Variants in MED24 observed in about 807,000 individuals in gnomAD.
MED24 encodes mediator of RNA polymerase II transcription subunit 24.
In MED24, 74 loss-of-function variants were observed where a neutral mutation model predicts 118.8. The observed-to-expected ratio is 0.62, with a 90% CI of 0.52 to 0.76. The LOEUF (loss-of-function observed/expected upper bound fraction) is 0.76, where lower values mean the gene tolerates loss of function less well. Ranked by LOEUF, MED24 falls within the 30% of genes least tolerant of loss-of-function variation. MED24 has a pLI of 0.00. For synonymous variants in MED24, 521 were observed against 523.9 expected, an observed-to-expected ratio of 0.99 and a Z score of 0.08; for missense variants, 1,041 against 1,278.9, an observed-to-expected ratio of 0.81 and a Z score of 2.84.
Position 40,027,477 on chromosome 17 carries a change from C to G in MED24, c.1448-12G>C, listed in dbSNP as rs770952329. 6.2e-7 allele frequency: 1 copy of G among 1,606,182 alleles called. No individual in the cohort carries two copies. Among genetic ancestry groups the G allele is most frequent in the Non-Finnish European group, 8.5e-7 (1 of 1,176,110 alleles). On this transcript the variant is annotated splice_polypyrimidine_tract_variant and intron_variant, in intron 15 of 25. Transcript: ENST00000394128. ...GGAGGCCGGTTTGGCTGTGGAAGGA[C>G]GGGAAGGCTGAGCTCCCAGACGAGG...
At chr17:40,042,332 C>A (rs1984645365) in intron 3 of MED24, among the ~76,000 whole-genome samples, 1 of 152,140 alleles carries the variant, frequency 6.6e-6, no homozygotes, top group South Asian at 2.1e-4. Context: ...GATTTGTCCA[C>A]CAAGGTATCA....
chr17:40,053,776 G>A (rs950322622), intron 1 of MED24, 141 bp from the exon 2 acceptor site: 41 of 1,070,128 alleles, frequency 3.8e-5, no homozygotes, highest in Non-Finnish European at 4.7e-5. Context: ...GAGCTAAAGG[G>A]ATAAAGTAAG....
At chr17:40,038,037 G>A (rs758668832) in intron 3 of MED24, among the ~76,000 whole-genome samples, 12 of 152,060 alleles carry the variant, frequency 7.9e-5, no homozygotes, top group East Asian at 1.9e-4. Flanking sequence ...TGATATACTC[G>A]TATACAATGA....
intron 23 of MED24, among the ~76,000 whole-genome samples, chr17:40,020,879 C>A (rs956388108): frequency 5.3e-5 from 8 of 152,006 alleles, no homozygotes; most frequent in African/African-American, 1.7e-4. Flanking sequence ...TCGAGACCAG[C>A]CTGACCAATA....
At chr17:40,043,163 GT>G (rs1054982316) in intron 3 of MED24, among the ~76,000 whole-genome samples, 1 of 152,208 alleles carries the variant, frequency 6.6e-6, no homozygotes, top group African/African-American at 2.4e-5. Context: ...GGCCAGACTA[GT>G]CTTGAACTCC....
In MED24 at chr17:40,022,451, G is replaced by A. The variant is rs761022928; in HGVS notation, c.2466C>T (p.Ser822=). 25 of 1,610,638 alleles carry A rather than the reference G, an allele frequency of 1.6e-5. No individual in the cohort carries two copies. Among genetic ancestry groups the A allele is most frequent in the Middle Eastern group, 1.6e-4 (1 of 6,082 alleles). ...LAVWCALSSY[S]SHKGQASTRQ... The stretch of plus-strand genomic sequence containing the variant: ...GGGTGGACGCCTGTCCCTTGTGGGA[G>A]GAGTAGGAACTGAGGGCACACCACA... The change falls in exon 22 of 26, where the codon TCC becomes TCT. Residue 822 remains serine (S), a synonymous_variant. Transcript: ENST00000394128.
intron 12 of MED24, among the ~76,000 whole-genome samples, chr17:40,030,946 G>A (rs539639440): frequency 6.6e-6 from 1 of 152,146 alleles, no homozygotes; most frequent in African/African-American, 2.4e-5. Context: ...ACAAAGATGG[G>A]TATGAGTTAA....
chr17:40,048,384 G>C (rs771978257), intron 3 of MED24, among the ~76,000 whole-genome samples: 1 of 152,012 alleles, frequency 6.6e-6, no homozygotes, highest in Non-Finnish European at 1.5e-5. Context: ...GGATTGTCCT[G>C]GAAGCTCCAT....
At chr17:40,048,661 C>T (rs1985502194) in intron 3 of MED24, among the ~76,000 whole-genome samples, 1 of 152,128 alleles carries the variant, frequency 6.6e-6, no homozygotes, top group Non-Finnish European at 1.5e-5. Flanking sequence ...TCAAGCGATT[C>T]TCCTGCCTCA....
In MED24 at chr17:40,019,363, A is replaced by T; in HGVS notation, c.*166T>A. The T allele has an allele frequency of 3.2e-6, 2 of 634,736 alleles. No individual in the cohort carries two copies. The highest frequency in any genetic ancestry group is 5.5e-6 in the Non-Finnish European group (2 of 364,328). 39.3% of individuals were successfully genotyped at this position (634,736 alleles called of 1,614,324 possible). ...ATTTTGAAAGAAGAAACCGGGAGAC[A>T]TCCTGGAGGTCAGGAGTCAGGAGCG... On this transcript the variant is annotated 3_prime_UTR_variant, in exon 26 of 26. Transcript: ENST00000394128.
chr17:40,023,310 C>T lies in MED24; in HGVS notation c.2071G>A (p.Gly691Arg), dbSNP rs1568155757. 2 of 1,614,030 alleles carry T rather than the reference C, an allele frequency of 1.2e-6. No homozygotes were observed. Among genetic ancestry groups the T allele is most frequent in the Non-Finnish European group, 1.7e-6 (2 of 1,179,962 alleles). Residue 691 changes from glycine to arginine, a missense_variant, in exon 20 of 26, where the codon GGG becomes AGG. Gly to Arg is a moderately radical substitution (Grantham distance 125, BLOSUM62 -2). Transcript: ENST00000394128. ...TTCCAGTAGGGCATTGTGTCCACCC[C>T]GGTGGAGGGAAACTTGATCTGCGTG... is the stretch of plus-strand genomic sequence containing the variant. ...TATQIKFPST[G>R]VDTMPYWNLL...
chr17:40,050,687 A>G (rs1417988714), intron 3 of MED24, among the ~76,000 whole-genome samples: 3 of 152,324 alleles, frequency 2.0e-5, no homozygotes, highest in Non-Finnish European at 2.9e-5. Context: ...GTGCACATAT[A>G]GAGTGAACTA....
Position 40,031,158 on chromosome 17 carries a change from C to A in MED24, c.1154+1G>T. The A allele has an allele frequency of 6.4e-7, 1 of 1,561,682 alleles. No homozygotes were observed. Among genetic ancestry groups the A allele is most frequent in the South Asian group, 1.2e-5 (1 of 84,670 alleles). ...GGTAGCACAGGTGCGTTCACACTTA[C>A]CGCTTAGCCATAAGGTTGTTGACGC... On this transcript the variant is annotated splice_donor_variant, in intron 12 of 25. Transcript: ENST00000394128. LOFTEE classifies it high-confidence loss of function.
chr17:40,032,518 C>A (rs530456183), intron 9 of MED24, 131 bp downstream of exon 9: 8 of 670,350 alleles, frequency 1.2e-5, no homozygotes, highest in South Asian at 9.6e-5. Flanking sequence ...TCAATGGGAA[C>A]TTGCACTGGA....
At chr17:40,043,258 C>G (rs138935164) in intron 3 of MED24, among the ~76,000 whole-genome samples, 2 of 152,106 alleles carry the variant, frequency 1.3e-5, no homozygotes, top group African/African-American at 4.8e-5. Context: ...TGAGATTTTC[C>G]CTTCAGATTT....
rs747188278 is a variant in MED24 at position 40,035,294 on chromosome 17, G to C, written c.382C>G (p.Leu128Val). ...IGLCRALLSA[L>V]HWLLRCTAAS... ...GCCGTGCAGCGCAGCAGCCAGTGGA[G>C]GGCGCTAAGAAGGGCTCGGCACAGT... Residue 128 changes from leucine (L) to valine (V), a missense_variant, in exon 6 of 26, where the codon CTC becomes GTC. Coordinates refer to ENST00000394128, the MANE Select transcript of MED24 (RefSeq NM_014815.4). 2 of 1,612,294 alleles carry C rather than the reference G, an allele frequency of 1.2e-6. No homozygotes were observed. The highest frequency in any genetic ancestry group is 1.3e-5 in the African/African-American group (1 of 75,018).
At chr17:40,020,812 C>A (rs1470455090) in intron 23 of MED24, among the ~76,000 whole-genome samples, 3 of 152,032 alleles carry the variant, frequency 2.0e-5, no homozygotes, top group Non-Finnish European at 4.4e-5. Flanking sequence ...GTGGCTCACG[C>A]CTGTAATCCC....
At chr17:40,028,767 C>T in intron 14 of MED24, 59 bp downstream of exon 14, 1 of 1,597,764 alleles carries the variant, frequency 6.3e-7, no homozygotes, top group African/African-American at 1.3e-5. Flanking sequence ...ACCCTGCTAC[C>T]TCCTCCCAAC....
chr17:40,051,769 A>G (rs962944482), intron 3 of MED24, among the ~76,000 whole-genome samples: 2 of 151,420 alleles, frequency 1.3e-5, no homozygotes, highest in Non-Finnish European at 2.9e-5. Flanking sequence ...CTAAAAATAC[A>G]AAAATTAGCC....
Sources: allele counts gnomAD v4.1 joint callset (sites outside exome capture counted in the v4.1 genomes callset), GRCh38; gene constraint gnomAD v4.1.1; transcripts MANE v1.5; gene names NCBI Gene and HGNC (gene_info 2026-07-23, HGNC 2026-07-21).